The following ACSM3 variants were observed in gnomAD, a reference collection of about 807,000 sequenced individuals.
ACSM3 encodes the protein acyl-coenzyme A synthetase ACSM3, mitochondrial.
In ACSM3, 61 loss-of-function variants were observed where a neutral mutation model predicts 74.1. The ratio of observed to expected loss-of-function variants is 0.82; its 90% CI spans 0.67 to 1.02. The LOEUF (loss-of-function observed/expected upper bound fraction) is 1.02, where lower values mean the gene tolerates loss of function less well. ACSM3 is among the 50% of genes least tolerant of loss of function. The pLI is 0.00. For missense variants in ACSM3, 660 were observed against 697.0 expected, an observed-to-expected ratio of 0.95 and a Z score of 0.60; for synonymous variants, 213 against 241.5, an observed-to-expected ratio of 0.88 and a Z score of 1.09.
chr16:20,692,941 C>G (rs374575716), intron 1 of ACSM3, among the ~76,000 whole-genome samples: 249 of 152,090 alleles, frequency 1.6e-3, no homozygotes, highest in African/African-American at 5.6e-3. Context: ...GAGGCTGAGG[C>G]AGGTGGATCA....
At position 20,737,143 on chromosome 16, in the gene ACSM3, C is replaced by A. The variant is rs1376692462; in HGVS notation, c.-189-12767C>A. 2.5e-6 allele frequency: 4 copies of A among 1,614,104 alleles called. No homozygotes were observed. The highest frequency in any genetic ancestry group is 3.4e-6 in the Non-Finnish European group (4 of 1,180,048). On this transcript the variant is annotated intron_variant, in intron 1 of 3. Transcript: ENST00000561584. ...GACGGATCCTTAGGGCTCTTCACCA[C>A]CTCCTGGAGATTGTATTTTCTAAAC...
At position 20,796,363 on chromosome 16, in the gene ACSM3, A is replaced by G. The variant is rs13306607; in HGVS notation, c.1555-7A>G. ...CATTTTCCTGGTGTTTCAAATATTT[A>G]TTTTAGGTAGTAAAGGCTTTTGTCG... On this transcript the variant is annotated splice_region_variant and splice_polypyrimidine_tract_variant and intron_variant, in intron 12 of 13. Coordinates refer to ENST00000289416, the MANE Select transcript of ACSM3 (RefSeq NM_005622.4). 592 of 1,605,028 alleles carry G rather than the reference A, an allele frequency of 3.7e-4. 4 individuals carry two copies. In the East Asian group the frequency reaches 0.012, roughly 32 times the overall value.
At position 20,770,223 on chromosome 16, in the gene ACSM3, T is replaced by G; in HGVS notation, c.189T>G (p.Asp63Glu). ...GIPEYFNFAK[D>E]VLDQWTDKEK... ...CAGAGTATTTCAACTTTGCTAAAGA[T>G]GTCCTGGACCAATGGACTGATAAGG... The change falls in exon 2 of 14, where the codon GAT becomes GAG. Residue 63 changes from aspartate to glutamate, a missense_variant. By Grantham distance (45) the Asp-to-Glu change is conservative. Coordinates refer to ENST00000289416, the MANE Select transcript of ACSM3 (RefSeq NM_005622.4). 1 of 1,614,146 alleles carries G rather than the reference T, an allele frequency of 6.2e-7. No homozygotes were observed. Among genetic ancestry groups the G allele is most frequent in the Non-Finnish European group, 8.5e-7 (1 of 1,180,010 alleles).
At chr16:20,784,859 G>C (rs938707246) in intron 7 of ACSM3, 125 bp from the exon 8 acceptor site, 3 of 1,010,578 alleles carry the variant, frequency 3.0e-6, no homozygotes, top group Non-Finnish European at 4.2e-6. Context: ...GGTTTGTTTT[G>C]TGCTAGGGAG....
At chr16:20,679,856 G>A (rs2079402656) in intron 1 of ACSM3, 1 of 152,152 alleles carries the variant, frequency 6.6e-6, no homozygotes, top group African/African-American at 2.4e-5. Context: ...AAATCAGAGG[G>A]AGAAAAAGAA....
In ACSM3 at chr16:20,777,569, G is replaced by C. The variant is rs780410233; in HGVS notation, c.627G>C (p.Lys209Asn). Residue 209 changes from lysine to asparagine, a missense_variant, in exon 4 of 14, where the codon AAG becomes AAC. By Grantham distance (94) the Lys-to-Asn change is moderately conservative (BLOSUM62 0). Transcript: ENST00000289416. Reference sequence around the variant, plus strand: ...CCAGAGAGGGGTGGGGGAACCTCAAGGAGTTGATGAAGTGAGTAGCCACAC... The same window carrying C: ...CCAGAGAGGGGTGGGGGAACCTCAACGAGTTGATGAAGTGAGTAGCCACAC... The part of the protein sequence containing the change: ...ENSREGWGNL[K>N]ELMKHASDSH... The C allele has an allele frequency of 6.2e-7, 1 of 1,613,704 alleles. No homozygotes were observed. Among genetic ancestry groups the C allele is most frequent in the Non-Finnish European group, 8.5e-7 (1 of 1,179,750 alleles).
At chr16:20,724,448 C>T (rs895195591) in intron 1 of ACSM3, among the ~76,000 whole-genome samples, 8 of 151,996 alleles carry the variant, frequency 5.3e-5, no homozygotes, top group African/African-American at 1.5e-4. Flanking sequence ...AAACTGGAAG[C>T]ATTCCCTTTG....
At chr16:20,750,830 A>C (rs2079983522) in intron 2 of ACSM3, among the ~76,000 whole-genome samples, 1 of 144,178 alleles carries the variant, frequency 6.9e-6, no homozygotes, top group South Asian at 2.2e-4. Flanking sequence ...AGAGAATATA[A>C]GTTTTGGAGT....
chr16:20,703,712 A>C (rs952562058), intron 1 of ACSM3: 8 of 152,132 alleles, frequency 5.3e-5, no homozygotes, highest in African/African-American at 1.9e-4. Flanking sequence ...AGTAGAGATG[A>C]GGTTTCACCA....
chr16:20,683,898 G>C (rs1416054620), intron 1 of ACSM3, among the ~76,000 whole-genome samples: 3 of 151,926 alleles, frequency 2.0e-5, no homozygotes, highest in Non-Finnish European at 4.4e-5. Context: ...CCATCTTATA[G>C]GTCTACAGAT....
chr16:20,771,608 T>C (rs955541975), intron 2 of ACSM3, among the ~76,000 whole-genome samples: 5 of 152,174 alleles, frequency 3.3e-5, no homozygotes, highest in African/African-American at 9.7e-5. Flanking sequence ...TGTGTATATA[T>C]ACCACATTTT....
chr16:20,728,048 A>G (rs935401217), intron 1 of ACSM3: 5 of 208,134 alleles, frequency 2.4e-5, no homozygotes, highest in African/African-American at 9.5e-5. Context: ...ATATTTCAGA[A>G]GGTGTGCTTA....
chr16:20,714,410 G>C (rs933974497), intron 1 of ACSM3, among the ~76,000 whole-genome samples: 3 of 152,082 alleles, frequency 2.0e-5, no homozygotes, highest in African/African-American at 7.2e-5. Flanking sequence ...AGAAGTTCCA[G>C]GGCCAGGTTT....
At position 20,790,878 on chromosome 16, in the gene ACSM3, G is replaced by T; in HGVS notation, c.1326+190G>T. 6.2e-7 allele frequency: 1 copy of T among 1,614,060 alleles called. No individual in the cohort carries two copies. Among genetic ancestry groups the T allele is most frequent in the Non-Finnish European group, 8.5e-7 (1 of 1,179,980 alleles). ...AATTCTTGCTGAAGAAAAGCATGCTGGTCCCCTGAGGCCAGATCACTGTTC... is the reference window on the plus strand; with the variant it reads ...AATTCTTGCTGAAGAAAAGCATGCTTGTCCCCTGAGGCCAGATCACTGTTC... On this transcript the variant is annotated intron_variant, in intron 10 of 13. Coordinates refer to ENST00000289416, the MANE Select transcript of ACSM3 (RefSeq NM_005622.4). The surrounding 1 kb of genome is among the most constrained non-coding windows in gnomAD (Gnocchi z 4.0).
At chr16:20,757,671 T>A (rs1416608694) in intron 3 of ACSM3, among the ~76,000 whole-genome samples, 1 of 150,438 alleles carries the variant, frequency 6.6e-6, no homozygotes, top group Non-Finnish European at 1.5e-5. Context: ...TCCAACACTA[T>A]GTTGAATAGG....
intron 2 of ACSM3, among the ~76,000 whole-genome samples, chr16:20,751,703 A>G (rs1474453523): frequency 6.6e-6 from 1 of 152,184 alleles, no homozygotes; most frequent in African/African-American, 2.4e-5. Flanking sequence ...TGGGAAGAAA[A>G]GGAATGGAAA....
At chr16:20,710,283 C>A (rs1042838562) in intron 1 of ACSM3, among the ~76,000 whole-genome samples, 2 of 152,170 alleles carry the variant, frequency 1.3e-5, no homozygotes, top group East Asian at 3.9e-4. Context: ...TGGGCACAAC[C>A]ACATGGACCT....
chr16:20,690,410 C>G (rs1365038880), intron 1 of ACSM3, among the ~76,000 whole-genome samples: 1 of 152,178 alleles, frequency 6.6e-6, no homozygotes, highest in African/African-American at 2.4e-5. Context: ...AAACACATAA[C>G]CTCTGGAAGA....
chr16:20,728,153 C>A, intron 1 of ACSM3: 1 of 283,518 alleles, frequency 3.5e-6, no homozygotes, highest in Non-Finnish European at 7.1e-6. Context: ...CAAAGTTTGT[C>A]CTCTCAATGG....
Sources: allele counts gnomAD v4.1 joint callset (sites outside exome capture counted in the v4.1 genomes callset), GRCh38; gene constraint gnomAD v4.1.1; non-coding constraint Gnocchi (gnomAD v3.1); transcripts MANE v1.5; gene names NCBI Gene and HGNC (gene_info 2026-07-23, HGNC 2026-07-21).